MBD5: variants seen among roughly 807,000 people sequenced by gnomAD.
The protein encoded by MBD5 is methyl-CpG binding domain protein 5.
A neutral mutation model predicts 117.3 loss-of-function variants in MBD5; 13 were observed. The ratio of observed to expected loss-of-function variants is 0.11; its 90% confidence interval spans 0.07 to 0.18. MBD5 has a LOEUF of 0.18. Among genes scored for constraint, MBD5 ranks in the 10% least tolerant of loss-of-function variants. The probability of loss-of-function intolerance (pLI) is 1.00; values close to 1 mark genes in which losing one functional copy is unlikely to be tolerated. For missense variants in MBD5, 1,879 were observed against 2,093.8 expected (o/e 0.90, Z 2.00); for synonymous variants, 727 against 766.4 (o/e 0.95, Z 0.85).
At chr2:148,502,082 A>T (rs1010870848) in intron 11 of MBD5, among the ~76,000 whole-genome samples, 1 of 152,248 alleles carries the variant, frequency 6.6e-6, no homozygotes, top group Non-Finnish European at 1.5e-5. Context: ...CTTATATCAC[A>T]GTAGTCTGAT....
chr2:148,418,133 C>A (rs1705481609), intron 4 of MBD5, among the ~76,000 whole-genome samples: 1 of 152,108 alleles, frequency 6.6e-6, no homozygotes, highest in African/African-American at 2.4e-5. Flanking sequence ...AGCCACCACG[C>A]CCAGCCTTAT....
At chr2:148,483,047 C>G in intron 8 of MBD5, 63 bp from the exon 9 acceptor site, 1 of 1,554,486 alleles carries the variant, frequency 6.4e-7, no homozygotes, top group Non-Finnish European at 8.7e-7. Context: ...ATTTTTATGC[C>G]TAGTCTCACA....
chr2:148,375,920 C>T (rs1164593069), intron 4 of MBD5, among the ~76,000 whole-genome samples: 2 of 151,936 alleles, frequency 1.3e-5, no homozygotes, highest in Non-Finnish European at 2.9e-5. Flanking sequence ...AAGGGAGAAG[C>T]ACATCTGGGG....
chr2:148,327,515 A>G (rs1388827315), intron 3 of MBD5, among the ~76,000 whole-genome samples: 5 of 152,040 alleles, frequency 3.3e-5, no homozygotes, highest in Admixed American at 3.3e-4. Context: ...ACATAGTCCC[A>G]TATTTCTTGG....
rs995700674 is a variant in MBD5 at position 148,072,022 on chromosome 2, C to T, written c.-925+50338C>T. 3 of 152,138 alleles carry T rather than the reference C, an allele frequency of 2.0e-5. No homozygotes were observed. The East Asian group carries it at 5.8e-4, about 29-fold the overall frequency. 9.4% of individuals were successfully genotyped at this position (152,138 alleles called of 1,614,324 possible). ...TCTTGCATGTTCAGACATTTTCATC[C>T]TCTAGAGGAAATCATAGCTAAATAT... On this transcript the variant is annotated intron_variant, in intron 1 of 13. Coordinates refer to ENST00000642680, the MANE Select transcript of MBD5 (RefSeq NM_001378120.1).
intron 1 of MBD5, among the ~76,000 whole-genome samples, chr2:148,138,126 T>C (rs960200099): frequency 1.1e-4 from 17 of 152,208 alleles, no homozygotes; most frequent in Non-Finnish European, 2.2e-4. Flanking sequence ...CAATAAAATG[T>C]AGAGCCACTA....
chr2:148,144,625 T>C (rs937907229), intron 1 of MBD5, among the ~76,000 whole-genome samples: 3 of 152,226 alleles, frequency 2.0e-5, no homozygotes, highest in Non-Finnish European at 4.4e-5. Flanking sequence ...AATTTTTGTA[T>C]AAGGTGTAAG....
At chr2:148,118,435 A>ATAT (rs1553474122) in intron 1 of MBD5, among the ~76,000 whole-genome samples, 5 of 148,576 alleles carry the variant, frequency 3.4e-5, no homozygotes, top group African/African-American at 1.2e-4. Context: ...CATAAAAAAA[A>ATAT]ATATATATAT....
intron 1 of MBD5, among the ~76,000 whole-genome samples, chr2:148,064,069 T>C (rs995344420): frequency 5.9e-5 from 9 of 151,808 alleles, no homozygotes; most frequent in Non-Finnish European, 1.3e-4. Flanking sequence ...ATGCTCTTGC[T>C]CTTTCATATA....
chr2:148,370,882 T>C (rs1250881704), intron 4 of MBD5, among the ~76,000 whole-genome samples: 1 of 152,206 alleles, frequency 6.6e-6, no homozygotes. Context: ...TTAATTTTTT[T>C]AATCTAAGAG....
Position 148,469,783 on chromosome 2 carries a change from A to C in MBD5, c.1840A>C (p.Thr614Pro), listed in dbSNP as rs1392912633. 1 of 1,614,008 alleles carries C rather than the reference A, an allele frequency of 6.2e-7. No individual in the cohort carries two copies. The highest frequency in any genetic ancestry group is 1.1e-5 in the South Asian group (1 of 91,082). The change falls in exon 8 of 14, where the codon ACT becomes CCT. Residue 614 changes from threonine (T) to proline (P), a missense_variant. Transcript: ENST00000642680. The part of the protein sequence containing the change: ...NSGAVAGSGN[T>P]EGHSTLNTMF... ...TGGAGCTGTTGCCGGCAGTGGCAAC[A>C]CTGAAGGACATAGCACTTTAAACAC...
rs116542654 is a variant in MBD5 at position 148,301,745 on chromosome 2, C to T, written c.-679-40469C>T. 6.0e-3 allele frequency among the ~76,000 whole-genome samples: 919 copies of T among 152,194 alleles called. 10 individuals carry two copies. Among genetic ancestry groups the T allele is most frequent in the African/African-American group, 0.021 (869 of 41,538 alleles). ...ATAGTATATTTGCTGGAGTTGTACA[C>T]GTGCTCACTTGAGGCATTCTTTTCT... On this transcript the variant is annotated intron_variant, in intron 3 of 13. Transcript: ENST00000642680.
intron 4 of MBD5, among the ~76,000 whole-genome samples, chr2:148,373,646 TAAC>T (rs34864588): frequency 0.5 from 75,867 of 151,546 alleles, 19,243 homozygotes; most frequent in East Asian, 0.75. Flanking sequence ...AATTTAAAAA[TAAC>T]AACCTCTCTA....
rs761554212 is a variant in MBD5, at chr2:148,515,688, T to TGGG, written c.*2749_*2750insGGG. 6.6e-6 allele frequency: 1 copy of TGGG among 152,140 alleles called. No homozygotes were observed. Among genetic ancestry groups the TGGG allele is most frequent in the Non-Finnish European group, 1.5e-5 (1 of 68,008 alleles). The allele number at this position is 152,140 out of a possible 1,614,324, so 9.4% of individuals were successfully genotyped here. A position where few individuals can be genotyped will look rare whatever the true frequency, so the allele number is the denominator to read the frequency against. Reference sequence around the variant, plus strand: ...ACTTTTTAAGAAACAAATCCAAGAATGGAAACAGATGAAAAATTTTTTCTT... The same window carrying TGGG: ...ACTTTTTAAGAAACAAATCCAAGAATGGGGGAAACAGATGAAAAATTTTTTCTT... On this transcript the variant is annotated 3_prime_UTR_variant, in exon 14 of 14. Coordinates refer to ENST00000642680, the MANE Select transcript of MBD5 (RefSeq NM_001378120.1).
chr2:148,217,496 C>T (rs1443809700), intron 2 of MBD5, among the ~76,000 whole-genome samples: 1 of 152,154 alleles, frequency 6.6e-6, no homozygotes, highest in East Asian at 1.9e-4. Flanking sequence ...GCAACTGGCC[C>T]CTGGGGATCA....
At chr2:148,179,495 A>G (rs1041481256) in intron 2 of MBD5, among the ~76,000 whole-genome samples, 1 of 152,204 alleles carries the variant, frequency 6.6e-6, no homozygotes, top group African/African-American at 2.4e-5. Context: ...TTAACAAGTT[A>G]AGAACTTGTT....
intron 1 of MBD5, among the ~76,000 whole-genome samples, chr2:148,095,557 T>C (rs181526682): frequency 6.1e-4 from 93 of 152,264 alleles, no homozygotes; most frequent in Non-Finnish European, 8.4e-4. Flanking sequence ...AGGTTCATAC[T>C]GATTCCTCTC....
intron 8 of MBD5, chr2:148,471,801 T>C (rs1680806216): frequency 6.6e-6 from 1 of 152,130 alleles, no homozygotes; most frequent in African/African-American, 2.4e-5. Context: ...CTTTATGTTT[T>C]ATGTGTCTAA....
At chr2:148,317,403 A>G (rs1702180745) in intron 3 of MBD5, among the ~76,000 whole-genome samples, 1 of 152,014 alleles carries the variant, frequency 6.6e-6, no homozygotes, top group Non-Finnish European at 1.5e-5. Flanking sequence ...CATCTAAAGA[A>G]CCATGTTTAA....
Sources: allele counts gnomAD v4.1 joint callset (sites outside exome capture counted in the v4.1 genomes callset), GRCh38; gene constraint gnomAD v4.1.1; transcripts MANE v1.5; gene names NCBI Gene and HGNC (gene_info 2026-07-23, HGNC 2026-07-21).